NRG1: variants seen among roughly 807,000 people sequenced by gnomAD.
The protein encoded by NRG1 is pro-neuregulin-1, membrane-bound isoform.
NRG1 carries 18 observed loss-of-function variants against 63.8 expected under a neutral mutation model. The observed-to-expected ratio is 0.28, with a 90% CI of 0.19 to 0.42. The LOEUF is 0.42. Among genes scored for constraint, NRG1 ranks in the 10% least tolerant of loss-of-function variants. NRG1 has a pLI of 1.00. For missense variants in NRG1, 762 were observed against 814.7 expected (o/e 0.94, Z 0.79); for synonymous variants, 302 against 301.3 (o/e 1.00, Z -0.02).
chr8:32,592,498 T>G (rs924092259), intron 1 of NRG1, among the ~76,000 whole-genome samples: 46 of 152,188 alleles, frequency 3.0e-4, no homozygotes, highest in African/African-American at 1.1e-3. Flanking sequence ...TCAGTTGTTT[T>G]ATAGAATATC....
chr8:32,622,903 C>T (rs977696290), intron 5 of NRG1, among the ~76,000 whole-genome samples: 1 of 152,144 alleles, frequency 6.6e-6, no homozygotes, highest in African/African-American at 2.4e-5. Flanking sequence ...ACTTCAACAA[C>T]GTTGGAAAAT....
At chr8:31,818,861 T>G (rs572120141) in intron 1 of NRG1, among the ~76,000 whole-genome samples, 1 of 151,992 alleles carries the variant, frequency 6.6e-6, no homozygotes, top group Non-Finnish European at 1.5e-5. Context: ...ATCGAGACCA[T>G]CCTGGCTAAC....
chr8:32,347,848 GT>G lies in NRG1; in HGVS notation c.38-247975del, dbSNP rs2129479236. On this transcript the variant is annotated intron_variant, in intron 1 of 10. Coordinates refer to the NRG1 transcript ENST00000519301. ...CTGAAATGGTCGTGACTACAAACTT[GT>G]TTTTAAAATGTCACTTTCTCTAAGA... Among the ~76,000 whole-genome samples the G allele has an allele frequency of 2.6e-5, 4 of 152,280 alleles. No individual in the cohort carries two copies. In the South Asian group the frequency reaches 8.3e-4, roughly 32 times the overall value.
chr8:32,648,096 G>A (rs34822181), intron 5 of NRG1: 3 of 1,614,028 alleles, frequency 1.9e-6, no homozygotes, highest in Non-Finnish European at 2.5e-6. Context: ...TTCTCTGGAC[G>A]CAACTGCTGC....
intron 1 of NRG1, among the ~76,000 whole-genome samples, chr8:31,762,278 G>A (rs1374345961): frequency 5.3e-5 from 8 of 152,114 alleles, no homozygotes; most frequent in Admixed American, 2.6e-4. Context: ...TCCCACTTAC[G>A]TGTGAGAACA....
At chr8:32,461,464 C>T (rs537776224) in intron 1 of NRG1, among the ~76,000 whole-genome samples, 5 of 152,112 alleles carry the variant, frequency 3.3e-5, no homozygotes, top group East Asian at 1.9e-4. Flanking sequence ...TTTGGGAGGC[C>T]GAGGTGAGTG....
chr8:32,666,110 G>A (rs542551988), intron 5 of NRG1, among the ~76,000 whole-genome samples: 41 of 152,168 alleles, frequency 2.7e-4, no homozygotes, highest in African/African-American at 8.7e-4. Context: ...ATTCCTTCAC[G>A]TCCAAAGCAG....
chr8:31,846,403 G>A (rs1037035550), intron 1 of NRG1, among the ~76,000 whole-genome samples: 3 of 152,090 alleles, frequency 2.0e-5, no homozygotes, highest in African/African-American at 7.2e-5. Context: ...TTTATATTCT[G>A]GTTCATTACC....
intron 1 of NRG1, among the ~76,000 whole-genome samples, chr8:32,520,622 G>A (rs546768751): frequency 1.4e-4 from 22 of 152,322 alleles, no homozygotes; most frequent in African/African-American, 5.1e-4. Context: ...GTTGTCTAAA[G>A]TCATATGAGT....
In NRG1 at chr8:31,676,973, T is replaced by C. The variant is rs192119012; in HGVS notation, c.37+37542T>C. 2.6e-5 allele frequency among the ~76,000 whole-genome samples: 4 copies of C among 152,314 alleles called. No individual in the cohort carries two copies. In the East Asian group the frequency reaches 7.7e-4, roughly 29 times the overall value. ...TCATGGTTGATATGGACTCTGACCC[T>C]AGTCATTGCCTGCACAGTGCTTGAT... On this transcript the variant is annotated intron_variant, in intron 1 of 10. Transcript: ENST00000519301.
intron 1 of NRG1, among the ~76,000 whole-genome samples, chr8:32,326,638 A>G (rs1802063360): frequency 6.6e-6 from 1 of 152,008 alleles, no homozygotes; most frequent in African/African-American, 2.4e-5. Context: ...CAGCCATCAC[A>G]TTTTTAGATA....
At chr8:32,640,620 GCACACA>G (rs58796067) in intron 5 of NRG1, among the ~76,000 whole-genome samples, 2,234 of 132,198 alleles carry the variant, frequency 0.017, 43 homozygotes, top group East Asian at 0.12. Flanking sequence ...TCTCAGACCC[GCACACA>G]CACACACACA....
At chr8:32,101,129 C>G (rs1378109063) in intron 1 of NRG1, among the ~76,000 whole-genome samples, 1 of 152,146 alleles carries the variant, frequency 6.6e-6, no homozygotes, top group Non-Finnish European at 1.5e-5. Flanking sequence ...CTATTTTGGT[C>G]TACATTAAGT....
intron 1 of NRG1, among the ~76,000 whole-genome samples, chr8:32,360,488 T>A (rs1335441876): frequency 6.6e-6 from 1 of 152,184 alleles, no homozygotes; most frequent in Non-Finnish European, 1.5e-5. Flanking sequence ...AGTATTATAA[T>A]GATAGCAGGT....
chr8:32,449,200 G>A (rs1820658821), intron 1 of NRG1, among the ~76,000 whole-genome samples: 1 of 152,138 alleles, frequency 6.6e-6, no homozygotes, highest in Non-Finnish European at 1.5e-5. Flanking sequence ...AGGAGGCTGA[G>A]ATGGGAGGAT....
chr8:32,200,687 G>T (rs1339189278), intron 1 of NRG1, among the ~76,000 whole-genome samples: 1 of 152,178 alleles, frequency 6.6e-6, no homozygotes, highest in African/African-American at 2.4e-5. Flanking sequence ...TCTATAAGAG[G>T]CATTCCCAAT....
intron 5 of NRG1, among the ~76,000 whole-genome samples, chr8:32,723,569 C>A (rs1390894519): frequency 6.6e-6 from 1 of 150,614 alleles, no homozygotes; most frequent in South Asian, 2.1e-4. Flanking sequence ...GGCTGTAGTA[C>A]CAGCTAGCTA....
intron 5 of NRG1, among the ~76,000 whole-genome samples, chr8:32,691,452 C>T (rs12549199): frequency 0.15 from 22,507 of 152,174 alleles, 1,875 homozygotes; most frequent in East Asian, 0.38. Context: ...ATAATACCAC[C>T]CCAAACATAC....
chr8:32,549,873 C>G (rs1037288941), intron 1 of NRG1, among the ~76,000 whole-genome samples: 20 of 152,190 alleles, frequency 1.3e-4, no homozygotes, highest in African/African-American at 4.8e-4. Context: ...CTCTGCAATT[C>G]CCAATTATTA....
Sources: gnomAD v4.1 joint callset for allele counts (sites outside exome capture counted in the v4.1 genomes callset) on GRCh38, gnomAD v4.1.1 for gene constraint, MANE v1.5 for transcripts, NCBI Gene and HGNC (gene_info 2026-07-23, HGNC 2026-07-21) for gene names.